Variants in DOCK5 observed in about 807,000 individuals in gnomAD.
DOCK5 encodes the protein dedicator of cytokinesis protein 5.
In DOCK5, 142 loss-of-function variants were observed where a neutral mutation model predicts 251.8. The ratio of observed to expected loss-of-function variants is 0.56; its 90% CI spans 0.49 to 0.65. The LOEUF is 0.65. DOCK5 is among the 30% of genes least tolerant of loss of function. The probability of loss-of-function intolerance (pLI) is 0.00; values close to 1 mark genes in which losing one functional copy is unlikely to be tolerated. For missense variants in DOCK5, 2,111 were observed against 2,312.3 expected (o/e 0.91, Z 1.79); for synonymous variants, 842 against 835.5 (o/e 1.01, Z -0.13).
intron 22 of DOCK5, among the ~76,000 whole-genome samples, chr8:25,339,272 T>C (rs1229211515): frequency 6.6e-6 from 1 of 152,106 alleles, no homozygotes; most frequent in African/African-American, 2.4e-5. Context: ...GAAAAAATTG[T>C]AAATTGCTCC....
chr8:25,358,004 A>G (rs983737312), intron 27 of DOCK5, among the ~76,000 whole-genome samples: 4 of 152,018 alleles, frequency 2.6e-5, no homozygotes, highest in African/African-American at 9.7e-5. Context: ...CTAGTTATTG[A>G]TTTTTTCTCT....
At chr8:25,392,025 T>C in intron 43 of DOCK5, 45 bp downstream of exon 43, 1 of 1,575,658 alleles carries the variant, frequency 6.3e-7, no homozygotes, top group Non-Finnish European at 8.7e-7. Flanking sequence ...ATTAACGGGC[T>C]GAGCACGGTG....
chr8:25,342,869 T>A (rs112472372), intron 25 of DOCK5, among the ~76,000 whole-genome samples: 336 of 151,130 alleles, frequency 2.2e-3, no homozygotes, highest in African/African-American at 7.6e-3. Context: ...CAGCTAATTT[T>A]TTTTTATTTT....
At position 25,405,015 on chromosome 8, in the gene DOCK5, TA is replaced by T. The variant is rs199984169; in HGVS notation, c.5093+1292del. Among the ~76,000 whole-genome samples the T allele has an allele frequency of 3.4e-3, 517 of 152,324 alleles. 3 individuals are homozygous for T. Among genetic ancestry groups the T allele is most frequent in the South Asian group, 0.028 (135 of 4,822 alleles). ...AGTTGAACATCTTTTCATTTGTTTGTAGTTTTATTTTCTGTGACCTGTGGTC... is the reference window on the plus strand; with the variant it reads ...AGTTGAACATCTTTTCATTTGTTTGTGTTTTATTTTCTGTGACCTGTGGTC... On this transcript the variant is annotated intron_variant, in intron 48 of 51. Coordinates refer to ENST00000276440, the MANE Select transcript of DOCK5 (RefSeq NM_024940.8).
intron 5 of DOCK5, among the ~76,000 whole-genome samples, chr8:25,291,039 T>C (rs909334322): frequency 1.3e-5 from 2 of 152,148 alleles, no homozygotes; most frequent in African/African-American, 4.8e-5. Context: ...GATGTGACTT[T>C]GCATGGAAGG....
At chr8:25,224,512 G>A (rs1396289661) in intron 1 of DOCK5, among the ~76,000 whole-genome samples, 1 of 152,230 alleles carries the variant, frequency 6.6e-6, no homozygotes, top group Non-Finnish European at 1.5e-5. Flanking sequence ...GAGAAAAAGT[G>A]CAAGGAAGTG....
chr8:25,292,599 A>G (rs920706447), intron 6 of DOCK5, among the ~76,000 whole-genome samples: 3 of 152,116 alleles, frequency 2.0e-5, no homozygotes, highest in African/African-American at 7.2e-5. Context: ...AAATATTTGG[A>G]AATTAGCTGG....
chr8:25,362,951 C>G (rs1303825247), intron 28 of DOCK5, 96 bp from the exon 29 acceptor site: 1 of 867,704 alleles, frequency 1.2e-6, no homozygotes, highest in East Asian at 2.4e-5. Flanking sequence ...CTAGGAACAT[C>G]CTGTTCTGAG....
intron 5 of DOCK5, among the ~76,000 whole-genome samples, chr8:25,288,898 C>T (rs1185920872): frequency 6.6e-6 from 1 of 152,192 alleles, no homozygotes; most frequent in Non-Finnish European, 1.5e-5. Flanking sequence ...AGAGGCAATT[C>T]AGAAAATGCT....
chr8:25,354,316 T>C (rs1300069892), intron 27 of DOCK5, among the ~76,000 whole-genome samples: 4 of 152,234 alleles, frequency 2.6e-5, no homozygotes, highest in African/African-American at 9.7e-5. Context: ...TTAATTGCTA[T>C]TGCCAAGCCA....
At chr8:25,235,210 CT>C in intron 1 of DOCK5, among the ~76,000 whole-genome samples, 1 of 152,194 alleles carries the variant, frequency 6.6e-6, no homozygotes, top group African/African-American at 2.4e-5. Context: ...ACACCATAGA[CT>C]TTTTGTTCTG....
At chr8:25,375,178 G>T in intron 37 of DOCK5, 2 of 199,398 alleles carry the variant, frequency 1.0e-5, no homozygotes, top group South Asian at 1.2e-4. Flanking sequence ...TGAACAAGGC[G>T]GTAACAGGAA....
At chr8:25,199,890 C>T (rs1435757991) in intron 1 of DOCK5, among the ~76,000 whole-genome samples, 1 of 152,204 alleles carries the variant, frequency 6.6e-6, no homozygotes, top group African/African-American at 2.4e-5. Flanking sequence ...AAGTAAACAG[C>T]AAGTTGCCCT....
intron 43 of DOCK5, 121 bp downstream of exon 43, chr8:25,392,101 A>C: frequency 1.1e-6 from 1 of 918,142 alleles, no homozygotes; most frequent in South Asian, 1.6e-5. Flanking sequence ...CAAGAGATCG[A>C]GACCATCCTG....
intron 1 of DOCK5, among the ~76,000 whole-genome samples, chr8:25,193,671 A>G (rs1435979905): frequency 6.6e-6 from 1 of 151,632 alleles, no homozygotes; most frequent in African/African-American, 2.4e-5. Context: ...GGCTGAGGTG[A>G]GAGGATCATC....
intron 1 of DOCK5, among the ~76,000 whole-genome samples, chr8:25,226,902 C>CAT (rs1802548646): frequency 6.6e-6 from 1 of 152,176 alleles, no homozygotes; most frequent in East Asian, 1.9e-4. Flanking sequence ...GTTTTAAATC[C>CAT]ATACCATGGA....
intron 1 of DOCK5, among the ~76,000 whole-genome samples, chr8:25,241,176 C>T (rs375853232): frequency 1.6e-4 from 25 of 152,214 alleles, no homozygotes; most frequent in South Asian, 1.0e-3. Flanking sequence ...GTTAGAATGG[C>T]GATCGTTAAA....
chr8:25,317,190 G>A, intron 14 of DOCK5, 59 bp downstream of exon 14: 1 of 1,589,028 alleles, frequency 6.3e-7, no homozygotes, highest in Non-Finnish European at 8.6e-7. Context: ...AATCACGATA[G>A]AATCTTGGCC....
At chr8:25,216,133 T>A (rs926722539) in intron 1 of DOCK5, among the ~76,000 whole-genome samples, 2 of 151,516 alleles carry the variant, frequency 1.3e-5, no homozygotes, top group Non-Finnish European at 1.5e-5. Context: ...GTATACAATA[T>A]GTCTATACGT....
Sources: gnomAD v4.1 joint callset for allele counts (sites outside exome capture counted in the v4.1 genomes callset) on GRCh38, gnomAD v4.1.1 for gene constraint, MANE v1.5 for transcripts, NCBI Gene and HGNC (gene_info 2026-07-23, HGNC 2026-07-21) for gene names.